The following ZNF14 variants were observed in gnomAD, a reference collection of about 807,000 sequenced individuals.
The protein encoded by ZNF14 is zinc finger protein 14.
A neutral mutation model predicts 11.3 loss-of-function variants in ZNF14; 9 were observed. The ratio of observed to expected loss-of-function variants is 0.80; its 90% CI spans 0.48 to 1.39. ZNF14 has a LOEUF of 1.39. Among genes scored for constraint, ZNF14 ranks in the 40% most tolerant of loss-of-function variants. The probability of loss-of-function intolerance (pLI) is 0.00; values close to 1 mark genes in which losing one functional copy is unlikely to be tolerated. For synonymous variants in ZNF14, 239 were observed against 245.7 expected (o/e 0.97, Z 0.25); for missense variants, 711 against 763.9 (o/e 0.93, Z 0.82).
chr19:19,722,437 T>C (rs1056525262), intron 1 of ZNF14, among the ~76,000 whole-genome samples: 1 of 152,242 alleles, frequency 6.6e-6, no homozygotes, highest in African/African-American at 2.4e-5. Flanking sequence ...TCTGTATCTC[T>C]GTTTTGGTAC....
intron 1 of ZNF14, among the ~76,000 whole-genome samples, chr19:19,732,458 A>G (rs371923110): frequency 6.6e-6 from 1 of 152,152 alleles, no homozygotes; most frequent in African/African-American, 2.4e-5. Context: ...CCCAGACTTG[A>G]GTGCTGGGAG....
chr19:19,722,993 C>T (rs574518991), intron 1 of ZNF14, among the ~76,000 whole-genome samples: 3 of 152,254 alleles, frequency 2.0e-5, no homozygotes, highest in Non-Finnish European at 2.9e-5. Flanking sequence ...TGGGCTGAGA[C>T]GATGGGTTTT....
In ZNF14 at chr19:19,711,857, T is replaced by C. The variant is rs1283861769; in HGVS notation, c.1424A>G (p.Tyr475Cys). 1.9e-6 allele frequency: 3 copies of C among 1,614,114 alleles called. No individual in the cohort carries two copies. Among genetic ancestry groups the C allele is most frequent in the South Asian group, 1.1e-5 (1 of 91,076 alleles). ...HERSHTGEKP[Y>C]ECKQCGKVFI... ...AACTTTTCCACACTGTTTACATTCA[T>C]AGGGTTTCTCTCCAGTGTGTGACCT... is the stretch of plus-strand genomic sequence containing the variant. The change falls in exon 4 of 4, where the codon TAT (tyrosine) becomes TGT (cysteine). Residue 475 changes from tyrosine (Y) to cysteine (C), a missense_variant. Physicochemically the swap from Tyr to Cys is radical, Grantham distance 194. Transcript: ENST00000344099.
At position 19,714,528 on chromosome 19, in the gene ZNF14, T is replaced by C. The variant is rs1461076440; in HGVS notation, c.4-41A>G. 1.9e-6 allele frequency: 3 copies of C among 1,587,430 alleles called. No individual in the cohort carries two copies. The East Asian group carries it at 6.7e-5, about 36-fold the overall frequency. On this transcript the variant is annotated intron_variant, in intron 1 of 3. Transcript: ENST00000344099. ...TATGTTTACAGAGGATGGGTAAGAC[T>C]GGCAGTACTGGGGATCTATACTTGA... is the stretch of plus-strand genomic sequence containing the variant.
chr19:19,715,719 C>A (rs190284553), intron 1 of ZNF14, among the ~76,000 whole-genome samples: 1 of 152,294 alleles, frequency 6.6e-6, no homozygotes, highest in East Asian at 1.9e-4. Flanking sequence ...TCACTAGCTA[C>A]AGAAAAATAG....
chr19:19,716,311 G>C (rs1006269291), intron 1 of ZNF14, among the ~76,000 whole-genome samples: 2 of 152,122 alleles, frequency 1.3e-5, no homozygotes, highest in Non-Finnish European at 2.9e-5. Flanking sequence ...TTTGTTTTGA[G>C]ACCGAGTTTC....
chr19:19,730,671 G>A (rs978364876), intron 1 of ZNF14, among the ~76,000 whole-genome samples: 7 of 152,138 alleles, frequency 4.6e-5, no homozygotes, highest in Non-Finnish European at 8.8e-5. Flanking sequence ...CCAGCACTTT[G>A]GGAAGCTGAG....
At chr19:19,731,760 C>T (rs2062424093) in intron 1 of ZNF14, among the ~76,000 whole-genome samples, 1 of 151,926 alleles carries the variant, frequency 6.6e-6, no homozygotes, top group Non-Finnish European at 1.5e-5. Context: ...ACATCACTCT[C>T]ACAAACACCT....
At chr19:19,713,943 C>T in intron 3 of ZNF14, 148 bp downstream of exon 3, 1 of 707,568 alleles carries the variant, frequency 1.4e-6, no homozygotes, top group Non-Finnish European at 2.3e-6. Context: ...TTATTTTTCA[C>T]ATCCTGAACA....
chr19:19,712,490 G>A lies in ZNF14; in HGVS notation c.791C>T (p.Thr264Ile). Reference protein sequence around the residue: ...KQCGKAFSCPTYFRTHERTHT... With the variant: ...KQCGKAFSCPIYFRTHERTHT... ...AGTTCTTTCATGAGTTCGAAAGTAT[G>A]TGGGACAACTGAAAGCCTTACCACA... Residue 264 changes from threonine (T) to isoleucine (I), a missense_variant, in exon 4 of 4, where the codon ACA becomes ATA. Thr to Ile is a moderately conservative substitution (Grantham distance 89). Coordinates refer to ENST00000344099, the MANE Select transcript of ZNF14 (RefSeq NM_021030.3). 15 of 1,558,030 alleles carry A rather than the reference G, an allele frequency of 9.6e-6. No homozygotes were observed. The highest frequency in any genetic ancestry group is 1.3e-5 in the Non-Finnish European group (15 of 1,142,080).
At chr19:19,730,270 G>A (rs1034048547) in intron 1 of ZNF14, among the ~76,000 whole-genome samples, 3 of 151,654 alleles carry the variant, frequency 2.0e-5, no homozygotes, top group Non-Finnish European at 2.9e-5. Context: ...CAGGTGATCC[G>A]CCCGCCTCGG....
intron 1 of ZNF14, among the ~76,000 whole-genome samples, chr19:19,717,043 A>G (rs2062379857): frequency 6.6e-6 from 1 of 152,154 alleles, no homozygotes; most frequent in Admixed American, 6.5e-5. Context: ...CTGTGCCCTA[A>G]AATTTAATTC....
Position 19,713,034 on chromosome 19 carries a change from T to A in ZNF14, c.247A>T (p.Thr83Ser). 2 of 1,612,260 alleles carry A rather than the reference T, an allele frequency of 1.2e-6. No individual in the cohort carries two copies. Among genetic ancestry groups the A allele is most frequent in the Non-Finnish European group, 1.7e-6 (2 of 1,179,074 alleles). ...ESRRGSKCGE[T>S]TSQMPNVNIN... The stretch of plus-strand genomic sequence containing the variant: ...TTAACATTTGGCATCTGGCTAGTGG[T>A]TTCTCCACATTTGCTACCTCTTCTA... The change falls in exon 4 of 4, where the codon ACC becomes TCC. Residue 83 changes from threonine (T) to serine (S), a missense_variant. By Grantham distance (58) the Thr-to-Ser change is moderately conservative. Coordinates refer to ENST00000344099, the MANE Select transcript of ZNF14 (RefSeq NM_021030.3).
chr19:19,724,060 G>T (rs1188270612), intron 1 of ZNF14, among the ~76,000 whole-genome samples: 2 of 132,992 alleles, frequency 1.5e-5, no homozygotes, highest in African/African-American at 5.6e-5. Context: ...TTTTTGAAGA[G>T]TTTTTTGTGT....
At position 19,727,796 on chromosome 19, in the gene ZNF14, C is replaced by T. The variant is rs765636684; in HGVS notation, c.3+5160G>A. On this transcript the variant is annotated intron_variant, in intron 1 of 3. Transcript: ENST00000344099. Reference sequence around the variant, plus strand: ...CACCCCTTAGAAGACCACATAAATGCGACTCAACCAATGTATGTAGCTATA... The same window carrying T: ...CACCCCTTAGAAGACCACATAAATGTGACTCAACCAATGTATGTAGCTATA... 1.0e-4 allele frequency among the ~76,000 whole-genome samples: 14 copies of T among 133,396 alleles called. 5 individuals carry two copies. Among genetic ancestry groups the T allele is most frequent in the Non-Finnish European group, 1.8e-4 (11 of 60,170 alleles). 87.5% of individuals were successfully genotyped at this position (133,396 alleles called of 152,430 possible). A position where few individuals can be genotyped will look rare whatever the true frequency, so the allele number is the denominator to read the frequency against.
At chr19:19,723,684 T>C (rs1390545588) in intron 1 of ZNF14, among the ~76,000 whole-genome samples, 4 of 132,344 alleles carry the variant, frequency 3.0e-5, no homozygotes, top group Admixed American at 3.0e-4. Flanking sequence ...GTACCTCTGG[T>C]AGAATCTGGC....
At chr19:19,721,940 G>A (rs554019548) in intron 1 of ZNF14, among the ~76,000 whole-genome samples, 1 of 149,522 alleles carries the variant, frequency 6.7e-6, no homozygotes, top group African/African-American at 2.5e-5. Context: ...TCCAGCCTGG[G>A]TGACAGAGCA....
At chr19:19,718,380 A>G (rs1313670943) in intron 1 of ZNF14, among the ~76,000 whole-genome samples, 2 of 152,354 alleles carry the variant, frequency 1.3e-5, no homozygotes, top group East Asian at 1.9e-4. Flanking sequence ...TTACAGGTTC[A>G]TCAATACAGT....
chr19:19,714,358 T>TA lies in ZNF14; in HGVS notation c.130+2dup, dbSNP rs1460714840. 6.2e-7 allele frequency: 1 copy of TA among 1,613,942 alleles called. No individual in the cohort carries two copies. On this transcript the variant is annotated splice_region_variant and intron_variant, in intron 2 of 3. Transcript: ENST00000344099. The stretch of plus-strand genomic sequence containing the variant: ...CTGAGGAAAGAAATGTTGATATCCT[T>TA]ACCTAGACAAACCAGGTTTTTGAAG...
Sources: allele counts gnomAD v4.1 joint callset (sites outside exome capture counted in the v4.1 genomes callset), GRCh38; gene constraint gnomAD v4.1.1; transcripts MANE v1.5; gene names NCBI Gene and HGNC (gene_info 2026-07-23, HGNC 2026-07-21).